The following DMD variants were observed in gnomAD, a reference collection of about 807,000 sequenced individuals.
DMD encodes the protein mutant dystrophin.
In DMD, 63 loss-of-function variants were observed where a neutral mutation model predicts 330.1. That is an observed-to-expected ratio of 0.19 (90% CI 0.16 to 0.24). The LOEUF is 0.24. DMD is among the 10% of genes least tolerant of loss of function. DMD has a pLI of 1.00. For missense variants in DMD, 3,344 were observed against 2,684.1 expected (o/e 1.25, Z -5.43); for synonymous variants, 1,223 against 959.8 (o/e 1.27, Z -5.07).
At chrX:32,672,232 G>A (rs1602780820) in intron 9 of DMD, among the ~76,000 whole-genome samples, 1 of 110,542 alleles carries the variant, frequency 9.0e-6, no homozygotes, top group Non-Finnish European at 1.9e-5. Flanking sequence ...GACTTTGATT[G>A]ATAGAGGGCA....
rs755815057 is a variant in DMD, at chrX:31,444,607, C to T, written c.8958G>A (p.Ala2986=). Residue 2986 remains alanine, a synonymous_variant, in exon 60 of 79, where the codon GCG becomes GCA. Transcript: ENST00000357033. ...EKVKALRGEI[A]PLKENVSHVN... Reference sequence around the variant, plus strand: ...CGTGGCTCACGTTCTCTTTCAGAGGCGCAATTTCTCCTCGAAGTGCCTGTG... The same window carrying T: ...CGTGGCTCACGTTCTCTTTCAGAGGTGCAATTTCTCCTCGAAGTGCCTGTG... The T allele has an allele frequency of 6.0e-5, 73 of 1,209,298 alleles. No homozygotes were observed. Among genetic ancestry groups the T allele is most frequent in the Middle Eastern group, 2.3e-4 (1 of 4,374 alleles).
intron 8 of DMD, among the ~76,000 whole-genome samples, chrX:32,698,246 C>T (rs2063801323): frequency 9.0e-6 from 1 of 111,143 alleles, no homozygotes; most frequent in Admixed American, 9.6e-5. Context: ...CATGAGGATT[C>T]CAAAGTAACA....
At chrX:31,344,762 A>C (rs1010244598) in intron 61 of DMD, among the ~76,000 whole-genome samples, 3 of 110,521 alleles carry the variant, frequency 2.7e-5, no homozygotes, top group African/African-American at 9.9e-5. Flanking sequence ...AGTCATGAGA[A>C]TCGCTAGAAC....
intron 44 of DMD, among the ~76,000 whole-genome samples, chrX:32,132,993 CTTTTTTTTT>C (rs377615262): frequency 6.6e-5 from 5 of 75,975 alleles, no homozygotes; most frequent in Admixed American, 5.0e-4. Flanking sequence ...CTTTTCTTTT[CTTTTTTTTT>C]TTTTTTTTTT....
intron 7 of DMD, among the ~76,000 whole-genome samples, chrX:32,731,876 C>T (rs868114118): frequency 2.7e-5 from 3 of 112,341 alleles, no homozygotes; most frequent in Middle Eastern, 4.6e-3. Flanking sequence ...CAAAGGAACA[C>T]AGTTCCTCAC....
At chrX:31,358,769 T>C (rs1250385958) in intron 60 of DMD, among the ~76,000 whole-genome samples, 3 of 112,397 alleles carry the variant, frequency 2.7e-5, no homozygotes, top group Non-Finnish European at 3.8e-5. Context: ...GGGAGGAATC[T>C]CCTGATTGTT....
chrX:32,805,448 G>A (rs1412796234), intron 7 of DMD, among the ~76,000 whole-genome samples: 7 of 111,853 alleles, frequency 6.3e-5, no homozygotes, highest in South Asian at 3.7e-4. Context: ...AAGCCTCCAC[G>A]AAATATGGGA....
chrX:32,086,834 G>A (rs1420738112), intron 44 of DMD, among the ~76,000 whole-genome samples: 2 of 111,417 alleles, frequency 1.8e-5, no homozygotes, highest in African/African-American at 3.3e-5. Context: ...AAAGTCTTCC[G>A]AAGAAAAAGA....
chrX:32,932,604 G>A (rs1478339181), intron 2 of DMD, among the ~76,000 whole-genome samples: 1 of 111,875 alleles, frequency 8.9e-6, no homozygotes, highest in African/African-American at 3.2e-5. Flanking sequence ...GGAGAGTCGT[G>A]GGTACATATT....
Position 32,711,258 on chromosome X carries a change from C to A in DMD, c.650-11965G>T, listed in dbSNP as rs767891590. Among the ~76,000 whole-genome samples the A allele has an allele frequency of 2.7e-5, 3 of 111,307 alleles. No homozygotes were observed. In the Admixed American group the frequency reaches 2.9e-4, roughly 11 times the overall value. ...CCAGTTCTTCTTGACTCTGAAATGTCGGCCTCTCTCAAATACCTCTCCCTC... is the reference window on the plus strand; with the variant it reads ...CCAGTTCTTCTTGACTCTGAAATGTAGGCCTCTCTCAAATACCTCTCCCTC... On this transcript the variant is annotated intron_variant, in intron 7 of 78. Transcript: ENST00000357033.
intron 20 of DMD, 144 bp downstream of exon 20, chrX:32,491,127 TCTGTTG>T (rs2042956026): frequency 5.7e-6 from 4 of 703,576 alleles, no homozygotes; most frequent in Non-Finnish European, 8.7e-6. Context: ...TAAACAGATT[TCTGTTG>T]CTTACATTTT....
intron 60 of DMD, among the ~76,000 whole-genome samples, chrX:31,349,854 G>A (rs1352637934): frequency 9.0e-6 from 1 of 111,709 alleles, no homozygotes; most frequent in South Asian, 3.8e-4. Flanking sequence ...GGTAGTTCCC[G>A]TGGTGTGCAG....
chrX:31,450,946 C>A (rs1028748644), intron 59 of DMD, among the ~76,000 whole-genome samples: 1 of 111,589 alleles, frequency 9.0e-6, no homozygotes, highest in African/African-American at 3.3e-5. Context: ...GAGGCTTTAG[C>A]AGCTAATACT....
intron 1 of DMD, among the ~76,000 whole-genome samples, chrX:33,219,086 T>C (rs1411710952): frequency 3.6e-5 from 4 of 111,907 alleles, no homozygotes; most frequent in Admixed American, 9.6e-5. Context: ...GTCATGTCAG[T>C]ATAAGTGACT....
chrX:32,483,164 T>TATATATATATATATATATATATATACAC lies in DMD; in HGVS notation c.2803+1754_2803+1755insGTGTATATATATATATATATATATATAT, dbSNP rs1481445275. Among the ~76,000 whole-genome samples, 57 of 61,615 alleles carry TATATATATATATATATATATATATACAC rather than the reference T, an allele frequency of 9.3e-4. 2 individuals are homozygous for TATATATATATATATATATATATATACAC. Among genetic ancestry groups the TATATATATATATATATATATATATACAC allele is most frequent in the Non-Finnish European group, 1.5e-3 (44 of 29,026 alleles). 53.5% of individuals were successfully genotyped at this position (61,615 alleles called of 115,157 possible). On this transcript the variant is annotated intron_variant, in intron 21 of 78. Coordinates refer to ENST00000357033, the MANE Select transcript of DMD (RefSeq NM_004006.3). Reference sequence around the variant, plus strand: ...TTCATTCCATATATATATATATATATACACCATATTTAATTAAAGGGTTAT... The same window carrying TATATATATATATATATATATATATACAC: ...TTCATTCCATATATATATATATATATATATATATATATATATATATATATACACACACCATATTTAATTAAAGGGTTAT...
chrX:31,462,759 G>A (rs2066614301), intron 59 of DMD, among the ~76,000 whole-genome samples: 1 of 112,115 alleles, frequency 8.9e-6, no homozygotes, highest in African/African-American at 3.2e-5. Context: ...ACAAAAGCTT[G>A]AAATAATACA....
At chrX:31,335,589 T>C (rs376692466) in intron 61 of DMD, among the ~76,000 whole-genome samples, 1 of 112,059 alleles carries the variant, frequency 8.9e-6, no homozygotes, top group East Asian at 2.8e-4. Flanking sequence ...TGTAATTTTA[T>C]GCTGTCCCCA....
At chrX:31,501,921 G>C (rs1335203351) in intron 56 of DMD, among the ~76,000 whole-genome samples, 1 of 111,201 alleles carries the variant, frequency 9.0e-6, no homozygotes, top group African/African-American at 3.3e-5. Flanking sequence ...CATAAAAACA[G>C]ACACAAAGAC....
At chrX:32,435,009 C>T (rs5972567) in intron 29 of DMD, among the ~76,000 whole-genome samples, 24,017 of 93,020 alleles carry the variant, frequency 0.26, 2,707 homozygotes, top group African/African-American at 0.44. Context: ...TTCAAGTTTA[C>T]TTATTTTAGA....
Sources: allele counts gnomAD v4.1 joint callset (sites outside exome capture counted in the v4.1 genomes callset), GRCh38; gene constraint gnomAD v4.1.1; transcripts MANE v1.5; gene names NCBI Gene and HGNC (gene_info 2026-07-23, HGNC 2026-07-21).